PTPRK: variants seen among roughly 807,000 people sequenced by gnomAD.
The protein encoded by PTPRK is receptor-type tyrosine-protein phosphatase kappa.
PTPRK carries 75 observed loss-of-function variants against 178.0 expected under a neutral mutation model. That is an observed-to-expected ratio of 0.42 (90% confidence interval 0.35 to 0.51). The LOEUF is 0.51. Ranked by LOEUF, PTPRK falls within the 20% of genes least tolerant of loss-of-function variation. The pLI, the probability that PTPRK is intolerant of heterozygous loss-of-function variation, is 0.02. For synonymous variants in PTPRK, 637 were observed against 620.6 expected (o/e 1.03, Z -0.39); for missense variants, 1,441 against 1,797.8 (o/e 0.80, Z 3.59).
At chr6:128,389,626 T>C (rs1839275511) in intron 2 of PTPRK, among the ~76,000 whole-genome samples, 1 of 152,020 alleles carries the variant, frequency 6.6e-6, no homozygotes, top group Non-Finnish European at 1.5e-5. Flanking sequence ...TGTATTGATT[T>C]TAAGGTATAT....
At chr6:127,997,818 C>T (rs1016696868) in intron 16 of PTPRK, among the ~76,000 whole-genome samples, 2 of 152,098 alleles carry the variant, frequency 1.3e-5, no homozygotes, top group African/African-American at 4.8e-5. Flanking sequence ...ATAATTAACA[C>T]TCCTAATTTA....
chr6:128,121,076 A>G (rs1253968768), intron 7 of PTPRK, among the ~76,000 whole-genome samples: 1 of 152,042 alleles, frequency 6.6e-6, no homozygotes, highest in African/African-American at 2.4e-5. Context: ...GAGAAGAGGC[A>G]TGCTGAACTT....
At chr6:127,987,056 T>C (rs926609047) in intron 21 of PTPRK, among the ~76,000 whole-genome samples, 9 of 152,136 alleles carry the variant, frequency 5.9e-5, no homozygotes, top group Non-Finnish European at 1.0e-4. Flanking sequence ...GGCCTGATTT[T>C]AGGTAATACT....
At chr6:128,038,821 A>G (rs1187186255) in intron 13 of PTPRK, among the ~76,000 whole-genome samples, 4 of 151,990 alleles carry the variant, frequency 2.6e-5, no homozygotes, top group African/African-American at 4.8e-5. Flanking sequence ...TCATGCAACA[A>G]TTTTACAACT....
chr6:128,364,760 G>A (rs1274638216), intron 2 of PTPRK, among the ~76,000 whole-genome samples: 1 of 151,980 alleles, frequency 6.6e-6, no homozygotes, highest in African/African-American at 2.4e-5. Flanking sequence ...ACATTTTTAA[G>A]AAAAATATAG....
At chr6:128,249,890 C>A (rs1214755074) in intron 3 of PTPRK, among the ~76,000 whole-genome samples, 1 of 152,162 alleles carries the variant, frequency 6.6e-6, no homozygotes, top group Non-Finnish European at 1.5e-5. Flanking sequence ...GGTTTGGCTG[C>A]GCCCCCACCC....
intron 13 of PTPRK, among the ~76,000 whole-genome samples, chr6:128,047,142 T>C (rs1778167315): frequency 1.3e-5 from 2 of 152,190 alleles, no homozygotes; most frequent in South Asian, 4.1e-4. Flanking sequence ...TGGTATGTCT[T>C]ATGCATTTGG....
At chr6:128,222,309 G>T (rs1810561538) in intron 5 of PTPRK, among the ~76,000 whole-genome samples, 1 of 151,988 alleles carries the variant, frequency 6.6e-6, no homozygotes, top group Non-Finnish European at 1.5e-5. Context: ...ACATTTTATG[G>T]TACCTTACAC....
chr6:128,193,369 T>C (rs948696684), intron 6 of PTPRK, among the ~76,000 whole-genome samples: 1 of 151,396 alleles, frequency 6.6e-6, no homozygotes, highest in Non-Finnish European at 1.5e-5. Context: ...AATTAAAATG[T>C]TTTAAGTATT....
chr6:128,410,079 T>C (rs1273340232), intron 1 of PTPRK, among the ~76,000 whole-genome samples: 1 of 152,222 alleles, frequency 6.6e-6, no homozygotes, highest in African/African-American at 2.4e-5. Context: ...GTTATTACCA[T>C]AGATTTTACT....
chr6:128,464,638 CATATATAT>C lies in PTPRK; in HGVS notation c.100+55613_100+55620del, dbSNP rs10665667. On this transcript the variant is annotated intron_variant, in intron 1 of 29. Coordinates refer to ENST00000368226, the MANE Select transcript of PTPRK (RefSeq NM_002844.4). ...ACATATACATATATATATATATACA[CATATATAT>C]ATATATATATATATATATATATATA... Among the ~76,000 whole-genome samples, 176 of 48,608 alleles carry C rather than the reference CATATATAT, an allele frequency of 3.6e-3. 3 individuals carry two copies. Among genetic ancestry groups the C allele is most frequent in the East Asian group, 0.033 (40 of 1,222 alleles). 31.9% of individuals were successfully genotyped at this position (48,608 alleles called of 152,430 possible). A position where few individuals can be genotyped will look rare whatever the true frequency, so the allele number is the denominator to read the frequency against.
intron 4 of PTPRK, 138 bp downstream of exon 4, chr6:128,242,383 T>C: frequency 1.7e-6 from 2 of 1,175,308 alleles, no homozygotes; most frequent in African/African-American, 1.6e-5. Context: ...AGTTTCCTTT[T>C]AAAACTCAAT....
At chr6:128,390,981 A>G (rs1260952406) in intron 2 of PTPRK, among the ~76,000 whole-genome samples, 1 of 152,118 alleles carries the variant, frequency 6.6e-6, no homozygotes, top group African/African-American at 2.4e-5. Flanking sequence ...TGTTTTTCAG[A>G]GAAGCCATCT....
chr6:128,176,621 C>T (rs963706431), intron 7 of PTPRK, among the ~76,000 whole-genome samples: 2 of 151,758 alleles, frequency 1.3e-5, no homozygotes. Context: ...TTAGAATTCA[C>T]TCATTTGCTT....
At position 128,290,659 on chromosome 6, in the gene PTPRK, A is replaced by G. The variant is rs542870671; in HGVS notation, c.495+31380T>C. ...GGAGCTGCTTTAAAGGATTCTACAC[A>G]TTAGCAATTTAATTTTTTAAGCTTA... On this transcript the variant is annotated intron_variant, in intron 3 of 29. Transcript: ENST00000368226. Among the ~76,000 whole-genome samples, 21 of 152,218 alleles carry G rather than the reference A, an allele frequency of 1.4e-4. No individual in the cohort carries two copies. The East Asian group carries it at 2.9e-3, about 21-fold the overall frequency.
In PTPRK at chr6:128,435,441, TA is replaced by T. The variant is rs200341733; in HGVS notation, c.101-37754del. ...ATAATGTGGAATTACTTTTTTAATTTAAAAAAAAAACTTTTTTCTTGATATG... is the reference window on the plus strand; with the variant it reads ...ATAATGTGGAATTACTTTTTTAATTTAAAAAAAAACTTTTTTCTTGATATG... On this transcript the variant is annotated intron_variant, in intron 1 of 29. Coordinates refer to ENST00000368226, the MANE Select transcript of PTPRK (RefSeq NM_002844.4). Among the ~76,000 whole-genome samples the T allele has an allele frequency of 9.8e-3, 1,464 of 149,576 alleles. 4 individuals carry two copies. The highest frequency in any genetic ancestry group is 0.041 in the Middle Eastern group (12 of 290).
intron 7 of PTPRK, among the ~76,000 whole-genome samples, chr6:128,160,170 C>T (rs571959682): frequency 7.9e-5 from 12 of 151,674 alleles, no homozygotes; most frequent in Non-Finnish European, 1.6e-4. Flanking sequence ...TAATTATGTA[C>T]TTATGCAATC....
intron 1 of PTPRK, among the ~76,000 whole-genome samples, chr6:128,480,197 C>G (rs188386685): frequency 1.3e-5 from 2 of 152,102 alleles, no homozygotes; most frequent in African/African-American, 2.4e-5. Context: ...TGGCTGAAAC[C>G]CAGGAGCCAT....
chr6:128,285,959 G>A (rs555601639), intron 3 of PTPRK, among the ~76,000 whole-genome samples: 5 of 152,122 alleles, frequency 3.3e-5, no homozygotes, highest in South Asian at 2.1e-4. Flanking sequence ...TGTTCGAACC[G>A]TGATCCACGA....
Sources: gnomAD v4.1 joint callset for allele counts (sites outside exome capture counted in the v4.1 genomes callset) on GRCh38, gnomAD v4.1.1 for gene constraint, MANE v1.5 for transcripts, NCBI Gene and HGNC (gene_info 2026-07-23, HGNC 2026-07-21) for gene names.